Variants in FRMPD4 observed in about 807,000 individuals in gnomAD.
The protein encoded by FRMPD4 is FERM and PDZ domain-containing protein 4.
FRMPD4 carries 22 observed loss-of-function variants against 94.1 expected under a neutral mutation model. The ratio of observed to expected loss-of-function variants is 0.23; its 90% confidence interval spans 0.17 to 0.33. The LOEUF (loss-of-function observed/expected upper bound fraction) is 0.33, where lower values mean the gene tolerates loss of function less well. Ranked by LOEUF, FRMPD4 falls within the 10% of genes least tolerant of loss-of-function variation. The pLI, the probability that FRMPD4 is intolerant of heterozygous loss-of-function variation, is 1.00. For synonymous variants in FRMPD4, 631 were observed against 548.6 expected (o/e 1.15, Z -2.10); for missense variants, 1,111 against 1,339.9 (o/e 0.83, Z 2.67).
At chrX:12,168,700 A>G (rs2056167891) in intron 1 of FRMPD4, among the ~76,000 whole-genome samples, 1 of 92,905 alleles carries the variant, frequency 1.1e-5, no homozygotes. Flanking sequence ...ATCTCCGCTC[A>G]CTGCCAGCTC....
chrX:12,145,899 G>A (rs985887792), intron 1 of FRMPD4, among the ~76,000 whole-genome samples: 14 of 111,984 alleles, frequency 1.3e-4, no homozygotes, highest in African/African-American at 4.2e-4. Flanking sequence ...CGCTCTGGGG[G>A]ACTTAAACTG....
At chrX:12,452,284 C>T (rs1054775361) in intron 1 of FRMPD4, among the ~76,000 whole-genome samples, 1 of 112,243 alleles carries the variant, frequency 8.9e-6, no homozygotes, top group Non-Finnish European at 1.9e-5. Context: ...TTAGATCACT[C>T]ATAATTAAAA....
chrX:12,413,209 C>T (rs1198087540), intron 1 of FRMPD4, among the ~76,000 whole-genome samples: 1 of 111,630 alleles, frequency 9.0e-6, no homozygotes, highest in African/African-American at 3.3e-5. Context: ...TATAGATATC[C>T]CAGTTCCTTT....
intron 1 of FRMPD4, among the ~76,000 whole-genome samples, chrX:12,467,975 C>CT (rs1250788461): frequency 1.8e-5 from 2 of 112,104 alleles, no homozygotes; most frequent in Admixed American, 9.4e-5. Context: ...CTTATTGGTA[C>CT]TTTTCCCATT....
upstream of FRMPD4, among the ~76,000 whole-genome samples, chrX:12,136,420 C>G (rs1283572684): frequency 9.1e-6 from 1 of 109,632 alleles, no homozygotes; most frequent in South Asian, 3.9e-4. Context: ...AAGAATAAAA[C>G]AGTTAATAGG....
In FRMPD4 at chrX:12,334,965, T is replaced by C. The variant is rs1302452186; in HGVS notation, c.42-163715T>C. On this transcript the variant is annotated intron_variant, in intron 1 of 16. Transcript: ENST00000675598. ...AACACTATGCGGATTATTATCCTAT[T>C]GTACAGAGATACAATTGAAGTTAAC... Among the ~76,000 whole-genome samples, 6 of 111,364 alleles carry C rather than the reference T, an allele frequency of 5.4e-5. No homozygotes were observed. In the East Asian group the frequency reaches 1.7e-3, roughly 31 times the overall value.
rs138248001 is a variant in FRMPD4 at position 12,508,114 on chromosome X, T to C, written c.158+9318T>C. On this transcript the variant is annotated intron_variant, in intron 2 of 16. Transcript: ENST00000675598. The stretch of plus-strand genomic sequence containing the variant: ...CAAAAAGTTAATTGTCCATAGTGTT[T>C]TGGAAAAATGTTGCTTATTATCATT... Among the ~76,000 whole-genome samples, 658 of 112,523 alleles carry C rather than the reference T, an allele frequency of 5.8e-3. 5 individuals carry two copies. Among genetic ancestry groups the C allele is most frequent in the African/African-American group, 0.02 (632 of 31,058 alleles).
At chrX:12,196,525 A>G (rs1198719952) in intron 1 of FRMPD4, among the ~76,000 whole-genome samples, 1 of 110,585 alleles carries the variant, frequency 9.0e-6, no homozygotes, top group African/African-American at 3.3e-5. Context: ...GAGACTTCCC[A>G]TCTAGTTAAC....
intron 2 of FRMPD4, among the ~76,000 whole-genome samples, chrX:11,873,933 C>A (rs754200834): frequency 9.0e-6 from 1 of 110,885 alleles, no homozygotes; most frequent in South Asian, 3.9e-4. Flanking sequence ...GTAATCCCAA[C>A]TACTTGGGAG....
intron 3 of FRMPD4, among the ~76,000 whole-genome samples, chrX:11,994,925 G>T (rs761157782): frequency 9.0e-6 from 1 of 111,274 alleles, no homozygotes; most frequent in East Asian, 2.8e-4. Flanking sequence ...CCTTCTCATT[G>T]TTGCATATTT....
chrX:12,633,167 G>A (rs1869544815), intron 4 of FRMPD4, among the ~76,000 whole-genome samples: 1 of 112,017 alleles, frequency 8.9e-6, no homozygotes, highest in African/African-American at 3.2e-5. Context: ...ACTTGATGAA[G>A]CCAGGAGGTA....
Position 12,551,325 on chromosome X carries a change from A to G in FRMPD4, c.158+52529A>G, listed in dbSNP as rs553643441. ...CTATACTACTTGACACAAAGCTTAG[A>G]TATCATGTCATTTTATCAAGTATTT... is the stretch of plus-strand genomic sequence containing the variant. On this transcript the variant is annotated intron_variant, in intron 2 of 16. Coordinates refer to ENST00000675598, the MANE Select transcript of FRMPD4 (RefSeq NM_001368397.1). Among the ~76,000 whole-genome samples the G allele has an allele frequency of 1.2e-4, 13 of 110,881 alleles. 2 individuals carry two copies. The South Asian group carries it at 3.4e-3, about 29-fold the overall frequency.
At chrX:11,925,393 G>A (rs756516349) in intron 3 of FRMPD4, among the ~76,000 whole-genome samples, 2 of 111,392 alleles carry the variant, frequency 1.8e-5, no homozygotes, top group South Asian at 7.6e-4. Context: ...GACTCAGCAC[G>A]GGATCAAATG....
Position 12,563,428 on chromosome X carries a change from C to A in FRMPD4, c.159-46293C>A, listed in dbSNP as rs762465668. ...GAACTGCTGGACCATCTGTCCATCA[C>A]CCTTTGTGGAGAAAGAGGGTGACCG... On this transcript the variant is annotated intron_variant, in intron 2 of 16. Transcript: ENST00000675598. Among the ~76,000 whole-genome samples, 15 of 112,024 alleles carry A rather than the reference C, an allele frequency of 1.3e-4. No individual in the cohort carries two copies. In the South Asian group the frequency reaches 5.6e-3, roughly 42 times the overall value.
chrX:12,049,682 T>G lies in FRMPD4; in HGVS notation c.95+171664T>G, dbSNP rs2054806195. Among the ~76,000 whole-genome samples, 4 of 111,538 alleles carry G rather than the reference T, an allele frequency of 3.6e-5. No homozygotes were observed. The South Asian group carries it at 1.5e-3, about 41-fold the overall frequency. On this transcript the variant is annotated intron_variant, in intron 3 of 18. Coordinates refer to the FRMPD4 transcript ENST00000640291. ...AGAAAGTTAATGGTAAAAAGAGCCT[T>G]AGGCAAATCCTTCAGGAGGTATTGC...
chrX:12,517,008 T>G (rs1399769095), intron 2 of FRMPD4, among the ~76,000 whole-genome samples: 2 of 108,639 alleles, frequency 1.8e-5, no homozygotes, highest in African/African-American at 6.7e-5. Flanking sequence ...CTATTGATAC[T>G]TGTGGTTGCA....
At chrX:11,918,868 A>T (rs1476010220) in intron 3 of FRMPD4, among the ~76,000 whole-genome samples, 1 of 112,264 alleles carries the variant, frequency 8.9e-6, no homozygotes, top group Non-Finnish European at 1.9e-5. Context: ...ACTAGGCTGA[A>T]ACTGAGACGG....
intron 1 of FRMPD4, among the ~76,000 whole-genome samples, chrX:12,351,044 CGT>C (rs1182365108): frequency 1.3e-4 from 14 of 110,338 alleles, no homozygotes; most frequent in South Asian, 7.7e-4. Flanking sequence ...TGTGGTGGCG[CGT>C]GCCTGTAATC....
In FRMPD4 at chrX:12,138,929, G is replaced by A. The variant is rs1468296958; in HGVS notation, c.-43G>A. 9.1e-7 allele frequency: 1 copy of A among 1,096,510 alleles called. No homozygotes were observed. The highest frequency in any genetic ancestry group is 2.3e-5 in the South Asian group (1 of 42,722). The allele number at this position is 1,096,510 out of a possible 1,213,427, so 90.4% of individuals were successfully genotyped here. A position where few individuals can be genotyped will look rare whatever the true frequency, so the allele number is the denominator to read the frequency against. On this transcript the variant is annotated 5_prime_UTR_variant, in exon 1 of 17. Coordinates refer to ENST00000675598, the MANE Select transcript of FRMPD4 (RefSeq NM_001368397.1). Reference sequence around the variant, plus strand: ...GAGGCTGCTGTTGCTGGCGTGAGAAGGGGCGACGGAGTTGTCGCGCTCGGG... The same window carrying A: ...GAGGCTGCTGTTGCTGGCGTGAGAAAGGGCGACGGAGTTGTCGCGCTCGGG...
Sources: gnomAD v4.1 joint callset for allele counts (sites outside exome capture counted in the v4.1 genomes callset) on GRCh38, gnomAD v4.1.1 for gene constraint, MANE v1.5 for transcripts, NCBI Gene and HGNC (gene_info 2026-07-23, HGNC 2026-07-21) for gene names.